FAM81A: variants seen among roughly 807,000 people sequenced by gnomAD.
FAM81A encodes the protein family with sequence similarity 81 member A.
FAM81A carries 19 observed loss-of-function variants against 46.7 expected under a neutral mutation model. The ratio of observed to expected loss-of-function variants is 0.41; its 90% CI spans 0.28 to 0.60. The LOEUF is 0.60. FAM81A is among the 20% of genes least tolerant of loss of function. The pLI, the probability that FAM81A is intolerant of heterozygous loss-of-function variation, is 0.34. For missense variants in FAM81A, 377 were observed against 453.5 expected (o/e 0.83, Z 1.53); for synonymous variants, 183 against 152.9 (o/e 1.20, Z -1.45).
intron 8 of FAM81A, among the ~76,000 whole-genome samples, chr15:59,517,429 G>A (rs570762563): frequency 6.6e-5 from 10 of 152,216 alleles, no homozygotes; most frequent in African/African-American, 2.4e-4. Flanking sequence ...TGAGGCAGAA[G>A]TACCTTGAAG....
At chr15:59,408,892 A>T (rs1210773028) in intron 2 of FAM81A, 1 of 152,204 alleles carries the variant, frequency 6.6e-6, no homozygotes, top group African/African-American at 2.4e-5. Flanking sequence ...TATCTGATTT[A>T]AAAATGTAAT....
chr15:59,467,171 G>T (rs1252676940), intron 3 of FAM81A, among the ~76,000 whole-genome samples: 2 of 152,148 alleles, frequency 1.3e-5, no homozygotes. Flanking sequence ...TTTTGCTTAG[G>T]ATTGTCTTGG....
chr15:59,484,692 C>T (rs1275961617), intron 3 of FAM81A, among the ~76,000 whole-genome samples: 3 of 152,230 alleles, frequency 2.0e-5, no homozygotes, highest in Non-Finnish European at 4.4e-5. Context: ...TGCACTTTCA[C>T]AGCCGTGGTG....
At chr15:59,497,361 G>A (rs1019709000) in intron 4 of FAM81A, among the ~76,000 whole-genome samples, 3 of 151,550 alleles carry the variant, frequency 2.0e-5, no homozygotes, top group Admixed American at 6.6e-5. Context: ...CAGGATAATC[G>A]CTTGAACCTG....
chr15:59,424,206 T>C (rs1396688495), intron 2 of FAM81A, among the ~76,000 whole-genome samples: 1 of 152,174 alleles, frequency 6.6e-6, no homozygotes, highest in African/African-American at 2.4e-5. Context: ...GACCAGAGGG[T>C]TCATACCCTC....
intron 1 of FAM81A, chr15:59,439,138 G>C (rs933804992): frequency 6.6e-6 from 1 of 151,948 alleles, no homozygotes; most frequent in Non-Finnish European, 1.5e-5. Context: ...GTGTGTGCGC[G>C]TGCGCTCTCG....
intron 1 of FAM81A, among the ~76,000 whole-genome samples, chr15:59,457,945 T>A (rs781543597): frequency 6.6e-6 from 1 of 152,228 alleles, no homozygotes; most frequent in Non-Finnish European, 1.5e-5. Flanking sequence ...CAAATGTTCC[T>A]TATATGCAAG....
chr15:59,472,615 A>G (rs111684427), intron 3 of FAM81A, among the ~76,000 whole-genome samples: 5,168 of 149,616 alleles, frequency 0.035, 120 homozygotes, highest in South Asian at 0.05. Flanking sequence ...CAGTGGTATG[A>G]TCATAGCTCA....
chr15:59,489,709 C>A (rs1296606927), intron 3 of FAM81A, among the ~76,000 whole-genome samples: 2 of 152,100 alleles, frequency 1.3e-5, no homozygotes, highest in Non-Finnish European at 2.9e-5. Context: ...AAAATAGACA[C>A]ATAGACCAAT....
intron 8 of FAM81A, among the ~76,000 whole-genome samples, chr15:59,518,121 T>C (rs1309461168): frequency 6.0e-5 from 9 of 150,680 alleles, no homozygotes; most frequent in Non-Finnish European, 1.2e-4. Flanking sequence ...TACAGGCGCC[T>C]GACATCACGG....
chr15:59,475,096 A>G (rs1269346419), intron 3 of FAM81A, among the ~76,000 whole-genome samples: 1 of 152,174 alleles, frequency 6.6e-6, no homozygotes, highest in African/African-American at 2.4e-5. Context: ...AATCTGCCTA[A>G]GGAATCTGAA....
intron 6 of FAM81A, among the ~76,000 whole-genome samples, chr15:59,512,950 T>G (rs2082228789): frequency 6.6e-6 from 1 of 152,212 alleles, no homozygotes; most frequent in Admixed American, 6.5e-5. Context: ...TAGGCAGCCA[T>G]GTACCCAGTT....
At chr15:59,511,843 G>A (rs2082212558) in intron 6 of FAM81A, among the ~76,000 whole-genome samples, 1 of 151,970 alleles carries the variant, frequency 6.6e-6, no homozygotes. Flanking sequence ...TAGAGATGGG[G>A]TTTCACCATG....
intron 3 of FAM81A, among the ~76,000 whole-genome samples, chr15:59,480,480 G>T (rs1432884722): frequency 6.6e-6 from 1 of 152,148 alleles, no homozygotes; most frequent in African/African-American, 2.4e-5. Flanking sequence ...GTTTTGGGAA[G>T]GGAGGTTTTT....
intron 4 of FAM81A, among the ~76,000 whole-genome samples, chr15:59,502,336 C>G (rs1014124697): frequency 6.6e-6 from 1 of 151,510 alleles, no homozygotes; most frequent in African/African-American, 2.4e-5. Flanking sequence ...TTCCCGCTCC[C>G]CCCCCAACAA....
At chr15:59,493,495 A>G (rs796329702) in intron 4 of FAM81A, among the ~76,000 whole-genome samples, 1 of 152,066 alleles carries the variant, frequency 6.6e-6, no homozygotes, top group Non-Finnish European at 1.5e-5. Context: ...GCAGTGATCA[A>G]CTTTTTTGTT....
chr15:59,502,271 T>C (rs910309771), intron 4 of FAM81A, among the ~76,000 whole-genome samples: 1 of 151,934 alleles, frequency 6.6e-6, no homozygotes, highest in South Asian at 2.1e-4. Flanking sequence ...CATGCTGGTG[T>C]GCTGCACCCA....
intron 5 of FAM81A, 68 bp downstream of exon 5, chr15:59,507,410 G>C: frequency 6.4e-7 from 1 of 1,559,544 alleles, no homozygotes. Context: ...ACATGGTGTT[G>C]ATTATTTCTT....
intron 2 of FAM81A, among the ~76,000 whole-genome samples, chr15:59,421,624 A>G (rs1289864115): frequency 2.0e-5 from 3 of 152,156 alleles, no homozygotes; most frequent in Admixed American, 6.6e-5. Context: ...TTGCTGGCCT[A>G]TACCTGGAGT....
Sources: gnomAD v4.1 joint callset for allele counts (sites outside exome capture counted in the v4.1 genomes callset) on GRCh38, gnomAD v4.1.1 for gene constraint, MANE v1.5 for transcripts, NCBI Gene and HGNC (gene_info 2026-07-23, HGNC 2026-07-21) for gene names.